Variants in SORCS2 observed in about 807,000 individuals in gnomAD.
SORCS2 encodes sortilin related VPS10 domain containing receptor 2, also known as VPS10 domain-containing receptor SorCS2.
A neutral mutation model predicts 141.6 loss-of-function variants in SORCS2; 100 were observed. That is an observed-to-expected ratio of 0.71 (90% CI 0.60 to 0.83). SORCS2 has a LOEUF of 0.83. Ranked by LOEUF, SORCS2 falls within the 40% of genes least tolerant of loss-of-function variation. The pLI, the probability that SORCS2 is intolerant of heterozygous loss-of-function variation, is 0.00. For missense variants in SORCS2, 1,646 were observed against 1,560.2 expected, an observed-to-expected ratio of 1.05 and a Z score of -0.93; for synonymous variants, 789 against 676.9, an observed-to-expected ratio of 1.17 and a Z score of -2.57.
intron 11 of SORCS2, among the ~76,000 whole-genome samples, chr4:7,692,603 C>T (rs1724325206): frequency 6.6e-6 from 1 of 152,194 alleles, no homozygotes; most frequent in Non-Finnish European, 1.5e-5. Flanking sequence ...GGAGCTAAGA[C>T]TCAGCTGCTC....
intron 5 of SORCS2, among the ~76,000 whole-genome samples, chr4:7,654,492 A>C (rs1480484370): frequency 6.6e-6 from 1 of 152,180 alleles, no homozygotes; most frequent in East Asian, 1.9e-4. Flanking sequence ...TGAACCAGCT[A>C]TGTGGCCCTG....
intron 1 of SORCS2, among the ~76,000 whole-genome samples, chr4:7,322,066 C>A (rs559837330): frequency 1.3e-5 from 2 of 152,156 alleles, no homozygotes; most frequent in African/African-American, 4.8e-5. Context: ...CCATGAGGCT[C>A]GTAGAGGGCC....
At chr4:7,376,117 T>C (rs1410376734) in intron 1 of SORCS2, among the ~76,000 whole-genome samples, 1 of 152,246 alleles carries the variant, frequency 6.6e-6, no homozygotes, top group African/African-American at 2.4e-5. Context: ...TGGTGACAAT[T>C]GACCTCTGCA....
chr4:7,687,643 G>T (rs960800544), intron 10 of SORCS2, among the ~76,000 whole-genome samples: 3 of 152,078 alleles, frequency 2.0e-5, no homozygotes, highest in African/African-American at 7.2e-5. Context: ...GTCATCTTCA[G>T]GATGTGCGTC....
At chr4:7,593,890 C>T (rs1473989813) in intron 3 of SORCS2, among the ~76,000 whole-genome samples, 1 of 152,228 alleles carries the variant, frequency 6.6e-6, no homozygotes, top group African/African-American at 2.4e-5. Flanking sequence ...AGGCGCTACT[C>T]GGAGACTCAT....
intron 2 of SORCS2, among the ~76,000 whole-genome samples, chr4:7,527,065 C>T (rs914173997): frequency 3.9e-5 from 6 of 152,278 alleles, no homozygotes; most frequent in African/African-American, 1.4e-4. Context: ...TGGTGCTGCC[C>T]GACAATGCGG....
intron 2 of SORCS2, among the ~76,000 whole-genome samples, chr4:7,448,538 TCCTTCCTC>T (rs1658997796): frequency 1.6e-5 from 2 of 124,532 alleles, no homozygotes; most frequent in African/African-American, 6.0e-5. Flanking sequence ...CTTCCTTCCT[TCCTTCCTC>T]CCTCCCTTTC....
At chr4:7,625,698 G>A (rs374011058) in intron 3 of SORCS2, among the ~76,000 whole-genome samples, 8 of 151,970 alleles carry the variant, frequency 5.3e-5, no homozygotes, top group African/African-American at 1.4e-4. Flanking sequence ...ATGGAAGGAC[G>A]GATGGAGGGG....
At chr4:7,394,994 T>C (rs946640816) in intron 1 of SORCS2, among the ~76,000 whole-genome samples, 1 of 152,212 alleles carries the variant, frequency 6.6e-6, no homozygotes, top group Non-Finnish European at 1.5e-5. Context: ...GTCCACACCC[T>C]GTCAGCTCCC....
intron 1 of SORCS2, among the ~76,000 whole-genome samples, chr4:7,359,597 C>T (rs78570025): frequency 0.039 from 5,932 of 152,276 alleles, 177 homozygotes; most frequent in South Asian, 0.097. Flanking sequence ...GAGGTTCCAA[C>T]GATTCGCTCC....
chr4:7,461,481 G>C (rs952108754), intron 2 of SORCS2, among the ~76,000 whole-genome samples: 1 of 152,234 alleles, frequency 6.6e-6, no homozygotes, highest in Admixed American at 6.5e-5. Flanking sequence ...TAGCACCCCC[G>C]CGAGCAACAT....
At chr4:7,323,294 G>C (rs1369175631) in intron 1 of SORCS2, among the ~76,000 whole-genome samples, 1 of 152,298 alleles carries the variant, frequency 6.6e-6, no homozygotes, top group Non-Finnish European at 1.5e-5. Context: ...GAACTGGATT[G>C]GTTACAGTAG....
intron 2 of SORCS2, among the ~76,000 whole-genome samples, chr4:7,483,433 G>A (rs905779044): frequency 3.9e-5 from 6 of 152,180 alleles, no homozygotes; most frequent in East Asian, 3.9e-4. Context: ...TGCCCACCAT[G>A]CCAGATGCTA....
At chr4:7,616,868 A>G (rs1280617656) in intron 3 of SORCS2, among the ~76,000 whole-genome samples, 1 of 152,246 alleles carries the variant, frequency 6.6e-6, no homozygotes, top group Non-Finnish European at 1.5e-5. Context: ...GATTTCTGGC[A>G]GAGAACTCTG....
chr4:7,468,339 G>C (rs1729747011), intron 2 of SORCS2, among the ~76,000 whole-genome samples: 1 of 152,212 alleles, frequency 6.6e-6, no homozygotes, highest in Non-Finnish European at 1.5e-5. Context: ...CGTATGCATG[G>C]CTGTCACTCA....
At chr4:7,247,278 A>T (rs1175352418) in intron 1 of SORCS2, among the ~76,000 whole-genome samples, 1 of 151,558 alleles carries the variant, frequency 6.6e-6, no homozygotes, top group Non-Finnish European at 1.5e-5. Context: ...AGAATTACAT[A>T]CTGTAAACGG....
intron 2 of SORCS2, among the ~76,000 whole-genome samples, chr4:7,476,650 G>A (rs754432984): frequency 2.0e-5 from 3 of 152,140 alleles, no homozygotes; most frequent in Non-Finnish European, 4.4e-5. Flanking sequence ...GAACAGCACT[G>A]GGCCAGCAGT....
chr4:7,480,244 GT>G (rs1730549729), intron 2 of SORCS2, among the ~76,000 whole-genome samples: 1 of 152,242 alleles, frequency 6.6e-6, no homozygotes, highest in African/African-American at 2.4e-5. Context: ...CTGATGGCAC[GT>G]GGGCTTTGGA....
At chr4:7,499,104 GGT>G (rs1731806953) in intron 2 of SORCS2, among the ~76,000 whole-genome samples, 1 of 152,190 alleles carries the variant, frequency 6.6e-6, no homozygotes, top group African/African-American at 2.4e-5. Context: ...TGTGGAGATG[GGT>G]GTGTGTATTT....
Sources: allele counts gnomAD v4.1 joint callset (sites outside exome capture counted in the v4.1 genomes callset), GRCh38; gene constraint gnomAD v4.1.1; transcripts MANE v1.5; gene names NCBI Gene and HGNC (gene_info 2026-07-23, HGNC 2026-07-21).